CFAP92: variants seen among roughly 807,000 people sequenced by gnomAD.
The protein encoded by CFAP92 is cilia and flagella associated protein 92 (putative).
CFAP92 carries 86 observed loss-of-function variants against 106.3 expected under a neutral mutation model. The ratio of observed to expected loss-of-function variants is 0.81; its 90% CI spans 0.68 to 0.97. The LOEUF is 0.97. Among genes scored for constraint, CFAP92 ranks in the 50% least tolerant of loss-of-function variants. The pLI is 0.00. For synonymous variants in CFAP92, 477 were observed against 506.4 expected, an observed-to-expected ratio of 0.94 and a Z score of 0.78; for missense variants, 1,204 against 1,283.8, an observed-to-expected ratio of 0.94 and a Z score of 0.95.
At chr3:129,006,947 A>G (rs1008921701), upstream of CFAP92, among the ~76,000 whole-genome samples, 5 of 152,206 alleles carry the variant, frequency 3.3e-5, no homozygotes, top group African/African-American at 4.8e-5. Flanking sequence ...TTGAGCATCA[A>G]CTGCATACCA....
chr3:128,988,233 TG>T (rs1191043907), intron 3 of CFAP92, among the ~76,000 whole-genome samples: 3 of 152,158 alleles, frequency 2.0e-5, no homozygotes, highest in African/African-American at 7.2e-5. Context: ...TGGAAATTAC[TG>T]GGTAAAATAT....
intron 9 of CFAP92, among the ~76,000 whole-genome samples, chr3:128,952,421 T>C (rs907228944): frequency 6.6e-6 from 1 of 152,134 alleles, no homozygotes; most frequent in Non-Finnish European, 1.5e-5. Context: ...TCTCATAATG[T>C]AATACTCAAT....
intron 4 of CFAP92, among the ~76,000 whole-genome samples, chr3:128,985,485 T>C (rs1314665365): frequency 6.6e-6 from 1 of 152,160 alleles, no homozygotes; most frequent in Non-Finnish European, 1.5e-5. Context: ...AGAATACTCA[T>C]AGCAGGAGGC....
At chr3:128,999,194 C>G (rs988641919) in intron 1 of CFAP92, among the ~76,000 whole-genome samples, 1 of 152,128 alleles carries the variant, frequency 6.6e-6, no homozygotes, top group African/African-American at 2.4e-5. Flanking sequence ...CAAAAGAACG[C>G]AAGGAGACCT....
chr3:128,999,130 G>A (rs1487513890), intron 1 of CFAP92, among the ~76,000 whole-genome samples: 1 of 152,028 alleles, frequency 6.6e-6, no homozygotes, highest in African/African-American at 2.4e-5. Flanking sequence ...TCATTTCTTT[G>A]CCACAGCCCT....
At chr3:129,026,114 T>A in the CFAP92 span, among the ~76,000 whole-genome samples, 1 of 152,264 alleles carries the variant, frequency 6.6e-6, no homozygotes, top group African/African-American at 2.4e-5. Context: ...AGGAAGATGT[T>A]TGAAATATTG....
At chr3:128,961,236 C>A (rs1400070170) in intron 9 of CFAP92, among the ~76,000 whole-genome samples, 5 of 152,144 alleles carry the variant, frequency 3.3e-5, no homozygotes, top group Non-Finnish European at 4.4e-5. Context: ...CCTGACGTCC[C>A]GGCATTCTTT....
rs1184298020 is a variant in CFAP92 at position 128,932,949 on chromosome 3, C to T, written c.2502G>A (p.Val834=). ...YNSTTLWDVT[V]RDLLPSSAMI... Reference sequence around the variant, plus strand: ...TAGCAGAGGAGGGCAGCAGGTCCCTCACCGTCACGTCCCAGAGGGTGGTGC... The same window carrying T: ...TAGCAGAGGAGGGCAGCAGGTCCCTTACCGTCACGTCCCAGAGGGTGGTGC... Residue 834 remains valine, a synonymous_variant, in exon 12 of 16, where the codon GTG becomes GTA. Transcript: ENST00000645291. 1.4e-5 allele frequency: 21 copies of T among 1,536,178 alleles called. No individual in the cohort carries two copies. Among genetic ancestry groups the T allele is most frequent in the Non-Finnish European group, 1.7e-5 (20 of 1,146,926 alleles).
rs1269399483 is a variant in CFAP92 at position 128,936,443 on chromosome 3, GTGT to G, written c.2259-1127_2259-1125del. Among the ~76,000 whole-genome samples the G allele has an allele frequency of 2.0e-5, 3 of 152,038 alleles. No individual in the cohort carries two copies. In the South Asian group the frequency reaches 6.2e-4, roughly 32 times the overall value. The stretch of plus-strand genomic sequence containing the variant: ...AGCTTGTCTTTTCATGACTTTTATG[GTGT>G]TGTGAAAGTTGAGCACATGCATTGG... On this transcript the variant is annotated intron_variant, in intron 10 of 15. Coordinates refer to ENST00000645291, the MANE Select transcript of CFAP92 (RefSeq NM_001394090.1).
the CFAP92 span, among the ~76,000 whole-genome samples, chr3:129,013,724 C>T: frequency 3.8e-4 from 58 of 152,374 alleles, no homozygotes; most frequent in East Asian, 0.01. Flanking sequence ...ATCACTGCCA[C>T]TCTGATTAGC....
At chr3:128,970,473 G>T (rs776486048) in intron 8 of CFAP92, 1 of 151,190 alleles carries the variant, frequency 6.6e-6, no homozygotes, top group Non-Finnish European at 1.5e-5. Context: ...ACACGTGATG[G>T]CAAAAAAACG....
the CFAP92 span, among the ~76,000 whole-genome samples, chr3:129,014,500 C>A: frequency 1.3e-5 from 2 of 152,244 alleles, no homozygotes; most frequent in African/African-American, 4.8e-5. The surrounding 1 kb of genome is among the most constrained non-coding windows in gnomAD (Gnocchi z 4.3). Context: ...ATCCCCTCTT[C>A]TTAGAAGGAC....
chr3:128,975,759 C>A lies in CFAP92; in HGVS notation c.1021+20G>T. 1 of 1,546,772 alleles carries A rather than the reference C, an allele frequency of 6.5e-7. No homozygotes were observed. The highest frequency in any genetic ancestry group is 1.2e-5 in the South Asian group (1 of 81,464). ...AAGTCTAGTTATATTATAAAATTCC[C>A]AAATCCTATCCTAACTTACTTTGAG... On this transcript the variant is annotated intron_variant, in intron 7 of 15. Transcript: ENST00000645291.
chr3:128,927,301 G>C (rs1006322627), intron 12 of CFAP92, among the ~76,000 whole-genome samples: 5 of 132,874 alleles, frequency 3.8e-5, no homozygotes. Context: ...CTCTGAGCTT[G>C]TGGCACCCCA....
intron 9 of CFAP92, among the ~76,000 whole-genome samples, chr3:128,965,141 C>CCCA (rs1418901666): frequency 6.6e-6 from 1 of 152,138 alleles, no homozygotes; most frequent in African/African-American, 2.4e-5. Context: ...TGTAATCTCC[C>CCCA]CCACCCTTAA....
chr3:128,993,686 G>C, intron 1 of CFAP92: 1 of 331,162 alleles, frequency 3.0e-6, no homozygotes, highest in South Asian at 2.8e-5. Context: ...TGCTCAGGCA[G>C]GCCTGCTGCG....
At chr3:128,932,364 C>T (rs1038074702) in intron 12 of CFAP92, among the ~76,000 whole-genome samples, 1 of 138,618 alleles carries the variant, frequency 7.2e-6, no homozygotes, top group Admixed American at 7.2e-5. Flanking sequence ...CCCTGAGCAG[C>T]GTAAGCAACA....
At chr3:128,984,188 G>T (rs1284789449) in intron 4 of CFAP92, among the ~76,000 whole-genome samples, 3 of 152,196 alleles carry the variant, frequency 2.0e-5, no homozygotes, top group African/African-American at 7.2e-5. Flanking sequence ...AGATTAAAGG[G>T]AAAAGAAATG....
chr3:128,964,351 T>TCC (rs1284357591), intron 9 of CFAP92, among the ~76,000 whole-genome samples: 3 of 152,186 alleles, frequency 2.0e-5, no homozygotes, highest in African/African-American at 7.2e-5. Flanking sequence ...CCAGTCTCAT[T>TCC]TGACACCAGA....
Sources: gnomAD v4.1 joint callset for allele counts (sites outside exome capture counted in the v4.1 genomes callset) on GRCh38, gnomAD v4.1.1 for gene constraint, Gnocchi (gnomAD v3.1) non-coding constraint, MANE v1.5 for transcripts, NCBI Gene and HGNC (gene_info 2026-07-23, HGNC 2026-07-21) for gene names.